The following SMIM27 variants were observed in gnomAD, a reference collection of about 807,000 sequenced individuals.
SMIM27 encodes TOPORS antisense RNA 1 (non-protein coding).
Under a neutral mutation model 1.8 loss-of-function variants are expected in SMIM27, and 3 were observed. That is an observed-to-expected ratio of 1.65 (90% CI 0.75 to 4.28). The LOEUF (loss-of-function observed/expected upper bound fraction) is 4.28. Ranked by LOEUF, SMIM27 falls within the 30% of genes most tolerant of loss-of-function variation. The probability of loss-of-function intolerance (pLI) is 0.02; values close to 1 mark genes in which losing one functional copy is unlikely to be tolerated. For synonymous variants in SMIM27, 19 were observed against 13.9 expected, an observed-to-expected ratio of 1.37 and a Z score of -0.82; for missense variants, 63 against 37.0, an observed-to-expected ratio of 1.70 and a Z score of -1.83.
chr9:32,554,779 A>C (rs1385438622), downstream of SMIM27, among the ~76,000 whole-genome samples: 1 of 152,264 alleles, frequency 6.6e-6, no homozygotes, highest in African/African-American at 2.4e-5. Flanking sequence ...GCTGTAATAA[A>C]AATCAAGCTA....
At chr9:32,553,665 G>A (rs1821369381), downstream of SMIM27, 3 of 509,602 alleles carry the variant, frequency 5.9e-6, no homozygotes, top group African/African-American at 5.8e-5. Context: ...AGAATGACCA[G>A]AAAAAGTAGG....
chr9:32,557,720 A>T (rs1821507076), downstream of SMIM27, among the ~76,000 whole-genome samples: 1 of 151,930 alleles, frequency 6.6e-6, no homozygotes, highest in Non-Finnish European at 1.5e-5. Context: ...CTTGTGATCC[A>T]CCCACCTTGG....
chr9:32,563,421 T>G (rs549018220), intron 1 of SMIM27, among the ~76,000 whole-genome samples: 2 of 151,210 alleles, frequency 1.3e-5, no homozygotes, highest in African/African-American at 4.9e-5. Flanking sequence ...TCATAGCTCA[T>G]TGCAGGCTCC....
chr9:32,552,400 C>CG lies in SMIM27; in HGVS notation c.-34dup. Reference sequence around the variant, plus strand: ...AGGTTACTGTAAGGCCCGCAGCTCCCGCCAGCTCCCGCGGACTGCTGCCGC... The same window carrying CG: ...AGGTTACTGTAAGGCCCGCAGCTCCCGGCCAGCTCCCGCGGACTGCTGCCGC... On this transcript the variant is annotated 5_prime_UTR_variant, in exon 1 of 2. Transcript: ENST00000692500. 6.2e-7 allele frequency: 1 copy of CG among 1,605,974 alleles called. No individual in the cohort carries two copies. Among genetic ancestry groups the CG allele is most frequent in the South Asian group, 1.1e-5 (1 of 89,992 alleles).
downstream of SMIM27, among the ~76,000 whole-genome samples, chr9:32,555,032 G>T (rs188870919): frequency 2.0e-5 from 3 of 151,326 alleles, no homozygotes; most frequent in Non-Finnish European, 2.9e-5. Context: ...TTTGAGAGGC[G>T]ACATAAAAAT....
chr9:32,565,181 T>C (rs1821745327), intron 1 of SMIM27, among the ~76,000 whole-genome samples: 1 of 151,702 alleles, frequency 6.6e-6, no homozygotes, highest in South Asian at 2.1e-4. Flanking sequence ...TAATCCCAGC[T>C]ACTTGGTAGG....
At chr9:32,555,983 G>A (rs978858436), downstream of SMIM27, among the ~76,000 whole-genome samples, 2 of 152,220 alleles carry the variant, frequency 1.3e-5, no homozygotes, top group Admixed American at 1.3e-4. Context: ...TGGGGGACAA[G>A]GATACAGTTA....
downstream of SMIM27, among the ~76,000 whole-genome samples, chr9:32,556,723 GA>G (rs1252247342): frequency 6.6e-6 from 1 of 151,714 alleles, no homozygotes; most frequent in Non-Finnish European, 1.5e-5. Context: ...GGAATAAATG[GA>G]AGACTAAATA....
At chr9:32,557,641 G>A (rs538871080), downstream of SMIM27, among the ~76,000 whole-genome samples, 3 of 149,454 alleles carry the variant, frequency 2.0e-5, no homozygotes, top group East Asian at 2.0e-4. Context: ...CACCACGCAC[G>A]GTAATTTTTG....
upstream of SMIM27, chr9:32,552,248 C>T (rs1260703959): frequency 1.3e-6 from 1 of 747,054 alleles, no homozygotes; most frequent in Non-Finnish European, 2.3e-6. Flanking sequence ...GCAAGGCCCC[C>T]GATCACGTGA....
downstream of SMIM27, among the ~76,000 whole-genome samples, chr9:32,555,076 G>C (rs1011261831): frequency 2.0e-5 from 3 of 151,014 alleles, no homozygotes; most frequent in Non-Finnish European, 2.9e-5. Flanking sequence ...GTGCACGCTA[G>C]AGACTTTCTG....
intron 1 of SMIM27, among the ~76,000 whole-genome samples, chr9:32,563,326 CTTTT>C (rs964142546): frequency 2.0e-5 from 3 of 148,388 alleles, no homozygotes; most frequent in African/African-American, 7.4e-5. Flanking sequence ...TTAGCATCCT[CTTTT>C]TTTTTTAATT....
At chr9:32,557,651 G>T (rs1224590068), downstream of SMIM27, among the ~76,000 whole-genome samples, 2 of 148,394 alleles carry the variant, frequency 1.3e-5, no homozygotes, top group African/African-American at 5.0e-5. Context: ...GGTAATTTTT[G>T]TATTTTTAGT....
downstream of SMIM27, among the ~76,000 whole-genome samples, chr9:32,556,153 T>C (rs916895280): frequency 3.3e-5 from 5 of 152,196 alleles, no homozygotes; most frequent in Non-Finnish European, 2.9e-5. Flanking sequence ...AAGTGTGTTA[T>C]GCATGGGTAA....
chr9:32,566,133 T>C, intron 1 of SMIM27: 1 of 601,666 alleles, frequency 1.7e-6, no homozygotes, highest in Non-Finnish European at 3.0e-6. Context: ...AAGACGAGAA[T>C]ATGGTGTGTA....
chr9:32,557,755 G>T (rs10971023), downstream of SMIM27, among the ~76,000 whole-genome samples: 1 of 151,902 alleles, frequency 6.6e-6, no homozygotes, highest in Non-Finnish European at 1.5e-5. Flanking sequence ...GGGATTACAC[G>T]CGTGAGCCAC....
chr9:32,566,503 G>A (rs964029269), exon 2 of SMIM27: 11 of 777,922 alleles, frequency 1.4e-5, no homozygotes, highest in South Asian at 5.4e-5. Flanking sequence ...CTAGCCTTCC[G>A]GTGTGCAGAG....
chr9:32,551,734 T>A (rs1821267600), upstream of SMIM27: 1 of 427,258 alleles, frequency 2.3e-6, no homozygotes. Context: ...GGGCTTAGTA[T>A]CTCACGCGCG....
In SMIM27 at chr9:32,552,387, G is replaced by A. The variant is rs1170337334; in HGVS notation, c.-48G>A. On this transcript the variant is annotated 5_prime_UTR_variant, in exon 1 of 2. Coordinates refer to ENST00000692500, the MANE Select transcript of SMIM27 (RefSeq NM_001387564.1). Reference sequence around the variant, plus strand: ...GCCACCGCCTGGGAGGTTACTGTAAGGCCCGCAGCTCCCGCCAGCTCCCGC... The same window carrying A: ...GCCACCGCCTGGGAGGTTACTGTAAAGCCCGCAGCTCCCGCCAGCTCCCGC... 5.6e-6 allele frequency: 9 copies of A among 1,606,024 alleles called. No individual in the cohort carries two copies. The highest frequency in any genetic ancestry group is 1.1e-5 in the South Asian group (1 of 89,830).
Sources: allele counts gnomAD v4.1 joint callset (sites outside exome capture counted in the v4.1 genomes callset), GRCh38; gene constraint gnomAD v4.1.1; transcripts MANE v1.5; gene names NCBI Gene and HGNC (gene_info 2026-07-23, HGNC 2026-07-21).